The following TMC2 variants were observed in gnomAD, a reference collection of about 807,000 sequenced individuals.
TMC2 encodes the protein transmembrane channel-like protein 2.
In TMC2, 102 loss-of-function variants were observed where a neutral mutation model predicts 105.9. The observed-to-expected ratio is 0.96, with a 90% CI of 0.82 to 1.14. TMC2 has a LOEUF of 1.14. TMC2 is among the 50% of genes most tolerant of loss of function. The pLI, the probability that TMC2 is intolerant of heterozygous loss-of-function variation, is 0.00. For missense variants in TMC2, 1,093 were observed against 1,134.3 expected, an observed-to-expected ratio of 0.96 and a Z score of 0.52; for synonymous variants, 402 against 422.8, an observed-to-expected ratio of 0.95 and a Z score of 0.60.
intron 19 of TMC2, among the ~76,000 whole-genome samples, chr20:2,640,698 C>G (rs1054736161): frequency 3.3e-5 from 5 of 152,198 alleles, no homozygotes; most frequent in Admixed American, 2.6e-4. Flanking sequence ...TAGTAAAGAG[C>G]AGTCATTTTC....
intron 11 of TMC2, among the ~76,000 whole-genome samples, chr20:2,606,846 A>G (rs2086395925): frequency 7.4e-6 from 1 of 135,758 alleles, no homozygotes; most frequent in Non-Finnish European, 1.6e-5. Context: ...TGATTCTCTT[A>G]GGTATTCTTC....
chr20:2,606,891 C>CTTTTTT (rs11476357), intron 11 of TMC2, among the ~76,000 whole-genome samples: 333 of 83,692 alleles, frequency 4.0e-3, no homozygotes, highest in East Asian at 7.5e-3. Flanking sequence ...TTTCTTTTTT[C>CTTTTTT]TTTTTTTTTT....
chr20:2,626,397 G>T (rs137977074), intron 17 of TMC2, among the ~76,000 whole-genome samples: 2 of 152,244 alleles, frequency 1.3e-5, no homozygotes, highest in South Asian at 2.1e-4. Flanking sequence ...CTCACAAGCT[G>T]CTTGGGCTTC....
rs186376783 is a variant in TMC2 at position 2,589,768 on chromosome 20, C to T, written c.835-2542C>T. 3.3e-3 allele frequency among the ~76,000 whole-genome samples: 497 copies of T among 152,296 alleles called. 3 individuals are homozygous for T. Among genetic ancestry groups the T allele is most frequent in the African/African-American group, 0.011 (477 of 41,568 alleles). ...CACTGCAAGCTCCGCCTCCCAGGTT[C>T]ACGCCATTCTCCTGCCTCAGCCTCC... On this transcript the variant is annotated intron_variant, in intron 7 of 19. Transcript: ENST00000358864.
intron 7 of TMC2, among the ~76,000 whole-genome samples, chr20:2,589,854 A>T (rs911754652): frequency 1.3e-5 from 2 of 152,100 alleles, no homozygotes; most frequent in African/African-American, 4.8e-5. Context: ...TATTTTTAGT[A>T]GACACAGGGT....
chr20:2,573,608 T>C (rs1045568451), intron 5 of TMC2, among the ~76,000 whole-genome samples: 10 of 146,780 alleles, frequency 6.8e-5, no homozygotes, highest in Non-Finnish European at 1.5e-4. Context: ...TTGCCCAAGC[T>C]GGAATGCGGT....
chr20:2,567,388 T>C (rs886433837), intron 4 of TMC2, among the ~76,000 whole-genome samples: 2 of 152,156 alleles, frequency 1.3e-5, no homozygotes, highest in Non-Finnish European at 2.9e-5. Context: ...ACATAAGATT[T>C]AAATAATACC....
At chr20:2,565,041 G>A (rs2086054400) in intron 4 of TMC2, among the ~76,000 whole-genome samples, 1 of 152,172 alleles carries the variant, frequency 6.6e-6, no homozygotes, top group Non-Finnish European at 1.5e-5. Context: ...TCTGCAGGGA[G>A]GTCCCCATTG....
chr20:2,584,227 G>A (rs1428645477), intron 7 of TMC2, among the ~76,000 whole-genome samples: 5 of 151,808 alleles, frequency 3.3e-5, no homozygotes, highest in Non-Finnish European at 4.4e-5. Flanking sequence ...GGCGGATCAC[G>A]AGGTCAGGAG....
chr20:2,592,170 T>G lies in TMC2; in HGVS notation c.835-140T>G, dbSNP rs6050433. 0.66 allele frequency: 350,803 copies of G among 533,816 alleles called. 118,463 individuals are homozygous for G. Among genetic ancestry groups the G allele is most frequent in the South Asian group, 0.75 (23,911 of 32,088 alleles). 33.1% of individuals were successfully genotyped at this position (533,816 alleles called of 1,614,324 possible). ...TCCATCTCAAAAAATAAAAAATGAA[T>G]TAAATTAATAAATACATAAAGAAAG... On this transcript the variant is annotated intron_variant, in intron 7 of 19. Transcript: ENST00000358864. The surrounding 1 kb of genome is among the most constrained non-coding windows in gnomAD (Gnocchi z 4.9).
Position 2,602,169 on chromosome 20 carries a change from A to G in TMC2, c.1281A>G (p.Arg427=). 1 of 1,613,334 alleles carries G rather than the reference A, an allele frequency of 6.2e-7. No individual in the cohort carries two copies. The highest frequency in any genetic ancestry group is 8.5e-7 in the Non-Finnish European group (1 of 1,179,732). Residue 427 remains arginine, a synonymous_variant, in exon 11 of 20, where the codon AGA becomes AGG. Transcript: ENST00000358864. The part of the protein sequence containing the change: ...SNKEENIHLT[R]FLRVLANFLI... ...AAGAAGAAAATATCCATCTGACAAG[A>G]TTTCTTCGTGTCCTGGCCAACTTTC...
intron 17 of TMC2, among the ~76,000 whole-genome samples, chr20:2,628,929 C>T (rs1175434018): frequency 3.3e-5 from 5 of 151,912 alleles, no homozygotes; most frequent in Non-Finnish European, 5.9e-5. Context: ...GGTGAAACCC[C>T]GTCTCTACTA....
chr20:2,591,264 C>T (rs2086265852), intron 7 of TMC2, among the ~76,000 whole-genome samples: 1 of 151,980 alleles, frequency 6.6e-6, no homozygotes, highest in Non-Finnish European at 1.5e-5. Context: ...GGGGAAATAC[C>T]TTATGACGTA....
At chr20:2,613,162 C>A in intron 13 of TMC2, 32 bp from the exon 14 acceptor site, 1 of 1,600,460 alleles carries the variant, frequency 6.2e-7, no homozygotes, top group Non-Finnish European at 8.5e-7. Flanking sequence ...GCAAGGTCTC[C>A]AACCACCCCC....
At chr20:2,536,684 C>T (rs1366007867) in intron 1 of TMC2, 29 bp downstream of exon 1, 1 of 1,564,050 alleles carries the variant, frequency 6.4e-7, no homozygotes, top group Non-Finnish European at 8.7e-7. Flanking sequence ...CCTGCGGGGC[C>T]CGCCCACAGG....
intron 3 of TMC2, 126 bp from the exon 4 acceptor site, chr20:2,561,732 G>T: frequency 6.5e-6 from 8 of 1,235,876 alleles, no homozygotes; most frequent in Non-Finnish European, 8.9e-6. Context: ...GGCAATGGGA[G>T]TCACTAATGG....
At chr20:2,554,028 G>A (rs2085972135) in intron 2 of TMC2, among the ~76,000 whole-genome samples, 2 of 152,032 alleles carry the variant, frequency 1.3e-5, no homozygotes, top group Admixed American at 6.5e-5. Flanking sequence ...GGGATTACAG[G>A]CACCCGCCAC....
In TMC2 at chr20:2,616,752, A is replaced by T. The variant is rs62195084; in HGVS notation, c.1941-320A>T. On this transcript the variant is annotated intron_variant, in intron 15 of 19. Transcript: ENST00000358864. The surrounding 1 kb of genome is among the most constrained non-coding windows in gnomAD (Gnocchi z 4.8). ...AAGGACTTCAAATACTCTTCTGAGCAGCAATGCTGTTTTATGGAAACCGAG... is the reference window on the plus strand; with the variant it reads ...AAGGACTTCAAATACTCTTCTGAGCTGCAATGCTGTTTTATGGAAACCGAG... 0.013 allele frequency among the ~76,000 whole-genome samples: 1,944 copies of T among 152,346 alleles called. 19 individuals are homozygous for T. Among genetic ancestry groups the T allele is most frequent in the Non-Finnish European group, 0.023 (1,558 of 68,026 alleles).
chr20:2,609,612 G>T (rs778320878), intron 11 of TMC2, among the ~76,000 whole-genome samples: 2 of 152,162 alleles, frequency 1.3e-5, no homozygotes, highest in African/African-American at 2.4e-5. Flanking sequence ...GTGGAATTTT[G>T]TGGCAAAGGC....
Sources: allele counts gnomAD v4.1 joint callset (sites outside exome capture counted in the v4.1 genomes callset), GRCh38; gene constraint gnomAD v4.1.1; non-coding constraint Gnocchi (gnomAD v3.1); transcripts MANE v1.5; gene names NCBI Gene and HGNC (gene_info 2026-07-23, HGNC 2026-07-21).